FUBP1: variants seen among roughly 807,000 people sequenced by gnomAD.
The protein encoded by FUBP1 is far upstream element-binding protein 1.
FUBP1 carries 16 observed loss-of-function variants against 94.9 expected under a neutral mutation model. The ratio of observed to expected loss-of-function variants is 0.17; its 90% CI spans 0.11 to 0.26. FUBP1 has a LOEUF of 0.26. Among genes scored for constraint, FUBP1 ranks in the 10% least tolerant of loss-of-function variants. The probability of loss-of-function intolerance (pLI) is 1.00; values close to 1 mark genes in which losing one functional copy is unlikely to be tolerated. For missense variants in FUBP1, 583 were observed against 808.6 expected (o/e 0.72, Z 3.38); for synonymous variants, 279 against 254.9 (o/e 1.09, Z -0.90).
intron 1 of FUBP1, among the ~76,000 whole-genome samples, chr1:77,975,927 T>C (rs1468285293): frequency 6.6e-6 from 1 of 151,700 alleles, no homozygotes; most frequent in Non-Finnish European, 1.5e-5. Flanking sequence ...AACAACCAGC[T>C]AGAGTTAACA....
In FUBP1 at chr1:77,967,786, G is replaced by C. The variant is rs905058328; in HGVS notation, c.251-120C>G. On this transcript the variant is annotated intron_variant, in intron 3 of 19. Transcript: ENST00000370768. ...CTCCCTAATGCACAGACAACACCTT[G>C]AAGAGAGTCAAATTTTTTACACAAT... 9.7e-6 allele frequency: 6 copies of C among 621,438 alleles called. No homozygotes were observed. In the East Asian group the frequency reaches 1.7e-4, roughly 18 times the overall value. 38.5% of individuals were successfully genotyped at this position (621,438 alleles called of 1,614,324 possible). A position where few individuals can be genotyped will look rare whatever the true frequency, so the allele number is the denominator to read the frequency against.
rs1280856656 is a variant in FUBP1, at chr1:77,969,805, T to C, written c.211+120A>G. 5.5e-5 allele frequency: 26 copies of C among 476,942 alleles called. No homozygotes were observed. In the East Asian group the frequency reaches 8.8e-4, roughly 16 times the overall value. 29.5% of individuals were successfully genotyped at this position (476,942 alleles called of 1,614,324 possible). On this transcript the variant is annotated intron_variant, in intron 2 of 19. Coordinates refer to ENST00000370768, the MANE Select transcript of FUBP1 (RefSeq NM_003902.5). ...CCCCCTTTTAGGCCAATATACAGCT[T>C]ACAATTTTAACAACCTTATAATAAA...
chr1:77,949,578 G>GAA lies in FUBP1; in HGVS notation c.1781-280_1781-279dup, dbSNP rs905349694. Among the ~76,000 whole-genome samples the GAA allele has an allele frequency of 2.8e-5, 4 of 144,808 alleles. No homozygotes were observed. In the South Asian group the frequency reaches 6.6e-4, roughly 24 times the overall value. 95.0% of individuals were successfully genotyped at this position (144,808 alleles called of 152,430 possible). ...GTGTCAGGAAACTACTCTGCAATTA[G>GAA]AAAAAAAAAAAGAACGCTCTTTTCT... On this transcript the variant is annotated intron_variant, in intron 18 of 19. Coordinates refer to ENST00000370768, the MANE Select transcript of FUBP1 (RefSeq NM_003902.5).
chr1:77,972,470 C>T (rs114495559), intron 1 of FUBP1, among the ~76,000 whole-genome samples: 2,580 of 151,282 alleles, frequency 0.017, 66 homozygotes, highest in African/African-American at 0.059. Flanking sequence ...TGAGGCCAGG[C>T]GTGGTGGCTC....
At chr1:77,951,350 A>C (rs1220583834) in intron 18 of FUBP1, among the ~76,000 whole-genome samples, 1 of 152,252 alleles carries the variant, frequency 6.6e-6, no homozygotes, top group Non-Finnish European at 1.5e-5. Flanking sequence ...AAGAAAAACC[A>C]AATTCTTGGT....
Position 77,960,257 on chromosome 1 carries a change from A to T in FUBP1, c.1503T>A (p.Pro501=). 6.2e-7 allele frequency: 1 copy of T among 1,613,066 alleles called. No homozygotes were observed. The highest frequency in any genetic ancestry group is 2.2e-5 in the East Asian group (1 of 44,886). ...PGPPGPAPHG[P]PAPYAPQGWG... ...ATCCCTGGGGAGCATATGGGGCTGG[A>T]GGACCACTGAAAAGAAAAATCAGCA... is the stretch of plus-strand genomic sequence containing the variant. Residue 501 remains proline (P), a synonymous_variant, in exon 16 of 20, where the codon CCT becomes CCA. Transcript: ENST00000370768.
In FUBP1 at chr1:77,966,714, A is replaced by G. The variant is rs2102416895; in HGVS notation, c.453T>C (p.Thr151=). ...CTTACTGGACAGATTCAGGTGTTCC[A>G]GTTAACATACAGGACCTTTCTGGAA... ...GGLPERSCML[T]GTPESVQSAK... is the part of the protein sequence containing the mutation. Residue 151 remains threonine, a synonymous_variant, in exon 7 of 20, where the codon ACT becomes ACC. Coordinates refer to ENST00000370768, the MANE Select transcript of FUBP1 (RefSeq NM_003902.5). 2.6e-6 allele frequency: 4 copies of G among 1,561,168 alleles called. No homozygotes were observed. The highest frequency in any genetic ancestry group is 3.5e-6 in the Non-Finnish European group (4 of 1,131,858).
At chr1:77,951,817 TCA>T (rs1009028510) in intron 18 of FUBP1, among the ~76,000 whole-genome samples, 11 of 152,212 alleles carry the variant, frequency 7.2e-5, no homozygotes, top group Admixed American at 7.2e-4. Context: ...GAATAGATTT[TCA>T]CACTCAGTTG....
chr1:77,975,957 C>T (rs1283307722), intron 1 of FUBP1, among the ~76,000 whole-genome samples: 1 of 151,970 alleles, frequency 6.6e-6, no homozygotes, highest in African/African-American at 2.4e-5. Context: ...TTACCAGGTA[C>T]GGACCAGGAA....
At chr1:77,971,696 G>T (rs1385508239) in intron 1 of FUBP1, among the ~76,000 whole-genome samples, 1 of 148,966 alleles carries the variant, frequency 6.7e-6, no homozygotes, top group Non-Finnish European at 1.5e-5. Flanking sequence ...GTACTAGATT[G>T]CTTGATAAAA....
intron 1 of FUBP1, among the ~76,000 whole-genome samples, chr1:77,977,131 TA>T (rs1364791252): frequency 1.3e-5 from 2 of 152,192 alleles, no homozygotes; most frequent in African/African-American, 4.8e-5. Context: ...ATTAATCAGA[TA>T]ATCCTGTTCA....
At chr1:77,974,035 T>A (rs749465618) in intron 1 of FUBP1, among the ~76,000 whole-genome samples, 33 of 152,044 alleles carry the variant, frequency 2.2e-4, no homozygotes, top group African/African-American at 7.5e-4. Context: ...ATTGTCAACA[T>A]TCTAGACTTG....
At chr1:77,977,757 T>C (rs1404687571) in intron 1 of FUBP1, among the ~76,000 whole-genome samples, 2 of 152,268 alleles carry the variant, frequency 1.3e-5, no homozygotes, top group Non-Finnish European at 1.5e-5. Flanking sequence ...AGAACTAATA[T>C]TAATGATGAC....
intron 18 of FUBP1, among the ~76,000 whole-genome samples, chr1:77,950,363 T>C (rs141307825): frequency 0.012 from 1,770 of 152,298 alleles, 33 homozygotes; most frequent in African/African-American, 0.041. Context: ...TTTTGCCATG[T>C]TGTCCAGGCT....
chr1:77,958,281 C>T (rs897943645), intron 16 of FUBP1, among the ~76,000 whole-genome samples: 5 of 152,034 alleles, frequency 3.3e-5, no homozygotes, highest in Admixed American at 6.6e-5. Flanking sequence ...TCACTCAACC[C>T]GATTCATTCA....
intron 18 of FUBP1, among the ~76,000 whole-genome samples, chr1:77,951,292 A>C (rs1342961004): frequency 6.6e-6 from 1 of 152,248 alleles, no homozygotes; most frequent in Non-Finnish European, 1.5e-5. Context: ...CAACCTCTGC[A>C]AACTCCTATA....
At chr1:77,954,624 C>T (rs764425246) in intron 18 of FUBP1, among the ~76,000 whole-genome samples, 2 of 152,168 alleles carry the variant, frequency 1.3e-5, no homozygotes, top group Non-Finnish European at 2.9e-5. Context: ...CAAAACTCTA[C>T]CACCTATAGG....
rs764025143 is a variant in FUBP1, at chr1:77,963,687, C to T, written c.1070G>A (p.Gly357Asp). 9.9e-6 allele frequency: 16 copies of T among 1,610,722 alleles called. No individual in the cohort carries two copies. The highest frequency in any genetic ancestry group is 1.3e-5 in the African/African-American group (1 of 74,960). The change falls in exon 13 of 20, where the codon GGT (glycine) becomes GAT (aspartate). Residue 357 changes from glycine (G) to aspartate (D), a missense_variant. Gly to Asp is a moderately conservative substitution (Grantham distance 94). Coordinates refer to ENST00000370768, the MANE Select transcript of FUBP1 (RefSeq NM_003902.5). Reference protein sequence around the residue: ...QAGNPGGPGPGGRGRGRGQGN... With the variant: ...QAGNPGGPGPDGRGRGRGQGN... ...TTGACCTCTACCTCTTCCTCGACCA[C>T]CAGGTCCAGGTCCACCAGGATTACC... is the stretch of plus-strand genomic sequence containing the variant.
At chr1:77,969,627 T>G (rs745513801) in intron 2 of FUBP1, among the ~76,000 whole-genome samples, 5 of 151,978 alleles carry the variant, frequency 3.3e-5, no homozygotes, top group Admixed American at 1.3e-4. Flanking sequence ...TGTTTTTTAA[T>G]ATTATTAACA....
Sources: gnomAD v4.1 joint callset for allele counts (sites outside exome capture counted in the v4.1 genomes callset) on GRCh38, gnomAD v4.1.1 for gene constraint, MANE v1.5 for transcripts, NCBI Gene and HGNC (gene_info 2026-07-23, HGNC 2026-07-21) for gene names.